The following HABP2 variants were observed in gnomAD, a reference collection of about 807,000 sequenced individuals.
HABP2 encodes the protein factor VII-activating protease.
Under a neutral mutation model 66.5 loss-of-function variants are expected in HABP2, and 65 were observed. That is an observed-to-expected ratio of 0.98 (90% confidence interval 0.80 to 1.20). The LOEUF is 1.20. HABP2 is among the 50% of genes most tolerant of loss of function. The pLI is 0.00. For synonymous variants in HABP2, 263 were observed against 253.9 expected (o/e 1.04, Z -0.34); for missense variants, 786 against 691.0 (o/e 1.14, Z -1.54).
In HABP2 at chr10:113,578,151, G is replaced by C; in HGVS notation, c.568+6G>C. The C allele has an allele frequency of 6.2e-7, 1 of 1,613,970 alleles. No individual in the cohort carries two copies. Among genetic ancestry groups the C allele is most frequent in the African/African-American group, 1.3e-5 (1 of 75,020 alleles). On this transcript the variant is annotated splice_donor_region_variant and intron_variant, in intron 6 of 12. Transcript: ENST00000351270. ...GGGGAAATTCTGTGAAATAGGTATG[G>C]GTCTCTGCCACCATCAGGGCCACAA...
chr10:113,588,624 TACCCAATTGTACCTTCTAGAAA>T lies in HABP2; in HGVS notation c.*257_*278del. ...CACAACATAGTATGTTTGCTTTCCT[TACCCAATTGTACCTTCTAGAAA>T]ATCAGTGTTCACAGAGACTGCCTCC... On this transcript the variant is annotated 3_prime_UTR_variant, in exon 13 of 13. Coordinates refer to ENST00000351270, the MANE Select transcript of HABP2 (RefSeq NM_004132.5). 1 of 524,752 alleles carries T rather than the reference TACCCAATTGTACCTTCTAGAAA, an allele frequency of 1.9e-6. No homozygotes were observed. Among genetic ancestry groups the T allele is most frequent in the South Asian group, 3.3e-5 (1 of 30,692 alleles). 32.5% of individuals were successfully genotyped at this position (524,752 alleles called of 1,614,324 possible). A position where few individuals can be genotyped will look rare whatever the true frequency, so the allele number is the denominator to read the frequency against.
chr10:113,567,381 C>A, intron 1 of HABP2, 108 bp from the exon 2 acceptor site: 1 of 812,104 alleles, frequency 1.2e-6, no homozygotes, highest in Non-Finnish European at 2.1e-6. Flanking sequence ...CATCAGAAAG[C>A]ACGCAGTGCA....
chr10:113,561,973 C>A (rs907978963), intron 1 of HABP2, among the ~76,000 whole-genome samples: 1 of 152,194 alleles, frequency 6.6e-6, no homozygotes, highest in Admixed American at 6.5e-5. Context: ...CACTAACCAA[C>A]CTTAACCTGG....
In HABP2 at chr10:113,578,758, G is replaced by A. The variant is rs986127763; in HGVS notation, c.700G>A (p.Asp234Asn). The A allele has an allele frequency of 6.2e-7, 1 of 1,612,236 alleles. No individual in the cohort carries two copies. The highest frequency in any genetic ancestry group is 1.3e-5 in the African/African-American group (1 of 74,848). The change falls in exon 7 of 13, where the codon GAT becomes AAT. Residue 234 changes from aspartate to asparagine, a missense_variant. Transcript: ENST00000351270. ...GGAGAATTACAACATGTTTATGGAG[G>A]ATGCTGAAACCCATGGGATTGGGGA... Reference protein sequence around the residue: ...LQENYNMFMEDAETHGIGEHN... With the variant: ...LQENYNMFMENAETHGIGEHN...
At chr10:113,554,652 C>T (rs1043660412) in intron 1 of HABP2, among the ~76,000 whole-genome samples, 18 of 152,120 alleles carry the variant, frequency 1.2e-4, no homozygotes, top group African/African-American at 3.1e-4. Flanking sequence ...GAGAAATCAT[C>T]GGAGGCCCAC....
At chr10:113,552,879 G>T (rs1844922218), upstream of HABP2, 1 of 410,524 alleles carries the variant, frequency 2.4e-6, no homozygotes, top group African/African-American at 2.0e-5. Context: ...TTTCTTTGGA[G>T]AGTTTCTCCC....
intron 9 of HABP2, 48 bp from the exon 10 acceptor site, chr10:113,583,168 A>C (rs1845571322): frequency 1.9e-6 from 3 of 1,592,520 alleles, no homozygotes; most frequent in Non-Finnish European, 2.6e-6. Context: ...AAGGCCACAC[A>C]GCTGAGCAGA....
intron 1 of HABP2, among the ~76,000 whole-genome samples, chr10:113,561,244 TG>T (rs1233412128): frequency 6.6e-6 from 1 of 152,202 alleles, no homozygotes; most frequent in Non-Finnish European, 1.5e-5. Context: ...TTTAATCCAG[TG>T]ATGATTTCAA....
intron 5 of HABP2, 130 bp from the exon 6 acceptor site, chr10:113,577,896 C>A: frequency 9.9e-7 from 1 of 1,009,688 alleles, no homozygotes; most frequent in South Asian, 1.5e-5. Flanking sequence ...ATCTGTCTTT[C>A]CCATCTGGTG....
Position 113,577,918 on chromosome 10 carries a change from G to A in HABP2, c.449-108G>A, listed in dbSNP as rs11575753. Reference sequence around the variant, plus strand: ...TTTCCCATCTGGTGACCCATCTTTCGCGAAAGGATGGACACCAGTAGAATG... The same window carrying A: ...TTTCCCATCTGGTGACCCATCTTTCACGAAAGGATGGACACCAGTAGAATG... On this transcript the variant is annotated intron_variant, in intron 5 of 12. Coordinates refer to ENST00000351270, the MANE Select transcript of HABP2 (RefSeq NM_004132.5). 2.9e-3 allele frequency: 3,819 copies of A among 1,336,854 alleles called. 89 individuals carry two copies. In the African/African-American group the frequency reaches 0.047, roughly 16 times the overall value. 82.8% of individuals were successfully genotyped at this position (1,336,854 alleles called of 1,614,324 possible). A position where few individuals can be genotyped will look rare whatever the true frequency, so the allele number is the denominator to read the frequency against.
chr10:113,572,726 A>G (rs1845335559), intron 2 of HABP2: 1 of 453,278 alleles, frequency 2.2e-6, no homozygotes. Flanking sequence ...CCTCAGCCCT[A>G]AAAAGGTGGC....
At chr10:113,568,197 C>T (rs1845236007) in intron 2 of HABP2, among the ~76,000 whole-genome samples, 1 of 152,208 alleles carries the variant, frequency 6.6e-6, no homozygotes, top group South Asian at 2.1e-4. Flanking sequence ...TCCTTTGGCT[C>T]TGGGTTCGAG....
intron 2 of HABP2, among the ~76,000 whole-genome samples, chr10:113,573,530 C>T (rs188064829): frequency 1.3e-4 from 20 of 152,256 alleles, no homozygotes; most frequent in Admixed American, 1.2e-3. Context: ...AGGGGTTGTA[C>T]GGAGACAAAC....
At chr10:113,567,189 C>T (rs999115224) in intron 1 of HABP2, among the ~76,000 whole-genome samples, 5 of 152,188 alleles carry the variant, frequency 3.3e-5, no homozygotes, top group African/African-American at 1.2e-4. Context: ...ACCTGACGAG[C>T]ACACCAGTAC....
chr10:113,563,564 C>CCAGCG (rs1193082040), intron 1 of HABP2, among the ~76,000 whole-genome samples: 1 of 152,136 alleles, frequency 6.6e-6, no homozygotes, highest in African/African-American at 2.4e-5. Flanking sequence ...CCCCGAGAGC[C>CCAGCG]CAGCCCAGGA....
At chr10:113,579,438 TC>T (rs1258286291) in intron 7 of HABP2, among the ~76,000 whole-genome samples, 4 of 152,138 alleles carry the variant, frequency 2.6e-5, no homozygotes, top group Non-Finnish European at 4.4e-5. Flanking sequence ...CACATCCTCT[TC>T]CCACACATAC....
chr10:113,555,452 C>A (rs1844974444), intron 1 of HABP2, among the ~76,000 whole-genome samples: 1 of 151,990 alleles, frequency 6.6e-6, no homozygotes, highest in Admixed American at 6.6e-5. Flanking sequence ...GTGTAATGGA[C>A]TCCACGTGTC....
At chr10:113,572,735 G>T (rs753872601) in intron 2 of HABP2, 17 of 453,036 alleles carry the variant, frequency 3.8e-5, no homozygotes, top group South Asian at 2.7e-4. Context: ...TAAAAAGGTG[G>T]CCTCCCCTGG....
In HABP2 at chr10:113,580,418, G is replaced by GA. The variant is rs11575765; in HGVS notation, c.741-171dup. ...TCCTCTAGAAGAAAAGATTTTGCCA[G>GA]AAAAAATACTATAAACACCCTTCTG... On this transcript the variant is annotated intron_variant, in intron 7 of 12. Coordinates refer to ENST00000351270, the MANE Select transcript of HABP2 (RefSeq NM_004132.5). 3.5e-3 allele frequency among the ~76,000 whole-genome samples: 534 copies of GA among 152,240 alleles called. 5 individuals are homozygous for GA. The highest frequency in any genetic ancestry group is 0.012 in the African/African-American group (506 of 41,554).
Sources: gnomAD v4.1 joint callset for allele counts (sites outside exome capture counted in the v4.1 genomes callset) on GRCh38, gnomAD v4.1.1 for gene constraint, MANE v1.5 for transcripts, NCBI Gene and HGNC (gene_info 2026-07-23, HGNC 2026-07-21) for gene names.